Variants in SWT1 observed in about 807,000 individuals in gnomAD.
SWT1 encodes SWT1 RNA endoribonuclease homolog.
A neutral mutation model predicts 107.3 loss-of-function variants in SWT1; 33 were observed. The ratio of observed to expected loss-of-function variants is 0.31; its 90% CI spans 0.23 to 0.41. The LOEUF is 0.41. Among genes scored for constraint, SWT1 ranks in the 10% least tolerant of loss-of-function variants. The pLI, the probability that SWT1 is intolerant of heterozygous loss-of-function variation, is 1.00. For missense variants in SWT1, 898 were observed against 1,028.9 expected (o/e 0.87, Z 1.74); for synonymous variants, 345 against 348.3 (o/e 0.99, Z 0.11).
intron 13 of SWT1, among the ~76,000 whole-genome samples, chr1:185,214,128 C>G (rs1433259831): frequency 6.6e-6 from 1 of 152,116 alleles, no homozygotes; most frequent in East Asian, 1.9e-4. Flanking sequence ...TGTAGTCTCA[C>G]TCTTCTGATC....
intron 16 of SWT1, among the ~76,000 whole-genome samples, chr1:185,239,095 G>A (rs1661090553): frequency 6.6e-6 from 1 of 151,970 alleles, no homozygotes; most frequent in African/African-American, 2.4e-5. Flanking sequence ...TCGATAATCA[G>A]GTGATCTTTA....
At chr1:185,180,318 A>G in intron 5 of SWT1, 73 bp from the exon 6 acceptor site, 1 of 1,199,278 alleles carries the variant, frequency 8.3e-7, no homozygotes, top group Non-Finnish European at 1.2e-6. Flanking sequence ...CCTGAAGGTT[A>G]ATAGTGACAA....
chr1:185,217,114 T>C (rs940341040), intron 14 of SWT1, among the ~76,000 whole-genome samples: 6 of 152,220 alleles, frequency 3.9e-5, no homozygotes, highest in African/African-American at 1.2e-4. Context: ...CACTTGGCTT[T>C]AGTGTGATTA....
In SWT1 at chr1:185,160,769, A is replaced by C. The variant is rs558532071; in HGVS notation, c.-9-64A>C. The C allele has an allele frequency of 1.3e-5, 15 of 1,174,584 alleles. No individual in the cohort carries two copies. In the Admixed American group the frequency reaches 2.2e-4, roughly 17 times the overall value. The allele number at this position is 1,174,584 out of a possible 1,614,324, so 72.8% of individuals were successfully genotyped here. A position where few individuals can be genotyped will look rare whatever the true frequency, so the allele number is the denominator to read the frequency against. ...CTCCAATCTTTATATAACTGAAAGAAGACAAATTTCTATTTTCTTTTTGAG... is the reference window on the plus strand; with the variant it reads ...CTCCAATCTTTATATAACTGAAAGACGACAAATTTCTATTTTCTTTTTGAG... On this transcript the variant is annotated intron_variant, in intron 1 of 18. Transcript: ENST00000367500.
At chr1:185,239,414 T>C (rs982845205) in intron 16 of SWT1, among the ~76,000 whole-genome samples, 10 of 152,136 alleles carry the variant, frequency 6.6e-5, no homozygotes, top group African/African-American at 2.4e-4. Flanking sequence ...TAAACATGAT[T>C]GTGGTTAAGA....
intron 2 of SWT1, among the ~76,000 whole-genome samples, chr1:185,163,065 C>T (rs568479458): frequency 6.6e-6 from 1 of 152,120 alleles, no homozygotes; most frequent in South Asian, 2.1e-4. Context: ...AGGGACTTGC[C>T]GTGATGTTGA....
At chr1:185,219,824 A>G (rs563353182) in intron 14 of SWT1, among the ~76,000 whole-genome samples, 10 of 152,060 alleles carry the variant, frequency 6.6e-5, no homozygotes, top group African/African-American at 2.4e-4. Flanking sequence ...CCTTCCATCA[A>G]CTACCAAACT....
intron 18 of SWT1, among the ~76,000 whole-genome samples, chr1:185,290,237 A>G (rs568013816): frequency 1.4e-4 from 22 of 152,016 alleles, no homozygotes; most frequent in African/African-American, 5.3e-4. Flanking sequence ...TGATTGCACC[A>G]CTGTACTCCA....
intron 16 of SWT1, among the ~76,000 whole-genome samples, chr1:185,247,877 T>C (rs1294602975): frequency 2.0e-5 from 3 of 152,192 alleles, no homozygotes; most frequent in Non-Finnish European, 4.4e-5. Flanking sequence ...TTTTTTTCCT[T>C]CCTAAAAAGC....
At chr1:185,260,724 T>A (rs1662960517) in intron 16 of SWT1, among the ~76,000 whole-genome samples, 1 of 152,122 alleles carries the variant, frequency 6.6e-6, no homozygotes, top group Non-Finnish European at 1.5e-5. Flanking sequence ...TGTTTATGAA[T>A]ATGTGTATTA....
At chr1:185,245,576 A>G (rs1661549239) in intron 16 of SWT1, among the ~76,000 whole-genome samples, 1 of 152,188 alleles carries the variant, frequency 6.6e-6, no homozygotes, top group Admixed American at 6.5e-5. Flanking sequence ...GTTTATTATC[A>G]TTGTTAAGTA....
intron 16 of SWT1, among the ~76,000 whole-genome samples, chr1:185,256,592 A>G (rs975721292): frequency 7.0e-6 from 1 of 143,012 alleles, no homozygotes; most frequent in Non-Finnish European, 1.5e-5. Context: ...AGGCTTCTGC[A>G]TTCTTCACGT....
chr1:185,249,552 C>T (rs1003591650), intron 16 of SWT1, among the ~76,000 whole-genome samples: 2 of 152,062 alleles, frequency 1.3e-5, no homozygotes, highest in Non-Finnish European at 2.9e-5. Flanking sequence ...GGCAAGGCTC[C>T]CTGGGTATGG....
intron 13 of SWT1, among the ~76,000 whole-genome samples, chr1:185,214,078 G>A (rs149396708): frequency 6.6e-6 from 1 of 152,222 alleles, no homozygotes; most frequent in Non-Finnish European, 1.5e-5. Context: ...TAGCTGAGGT[G>A]ATGACGAGAG....
chr1:185,222,754 C>T (rs973541618), intron 15 of SWT1, among the ~76,000 whole-genome samples: 11 of 131,900 alleles, frequency 8.3e-5, no homozygotes, highest in African/African-American at 2.4e-4. Flanking sequence ...CAAAGCAAGA[C>T]GCCATCTCAA....
intron 14 of SWT1, among the ~76,000 whole-genome samples, chr1:185,221,559 T>G (rs183898775): frequency 1.4e-4 from 21 of 152,314 alleles, no homozygotes; most frequent in Admixed American, 5.2e-4. Context: ...TCTATCTCTT[T>G]CAGTACTGCA....
At chr1:185,203,570 G>A (rs1361773654) in intron 11 of SWT1, among the ~76,000 whole-genome samples, 4 of 150,984 alleles carry the variant, frequency 2.6e-5, no homozygotes, top group African/African-American at 4.9e-5. Flanking sequence ...GCAGTGAGCC[G>A]AGATTGTGCC....
intron 16 of SWT1, among the ~76,000 whole-genome samples, chr1:185,246,370 T>G (rs1440940309): frequency 2.0e-5 from 3 of 151,328 alleles, no homozygotes; most frequent in African/African-American, 7.3e-5. Flanking sequence ...CTCCACTTCC[T>G]GGCTCAGGTG....
chr1:185,170,622 C>T (rs935737666), intron 4 of SWT1, among the ~76,000 whole-genome samples: 1 of 152,198 alleles, frequency 6.6e-6, no homozygotes, highest in Non-Finnish European at 1.5e-5. Context: ...CTGCTGGAAA[C>T]CAAAGTGACA....
Sources: gnomAD v4.1 joint callset for allele counts (sites outside exome capture counted in the v4.1 genomes callset) on GRCh38, gnomAD v4.1.1 for gene constraint, MANE v1.5 for transcripts, NCBI Gene and HGNC (gene_info 2026-07-23, HGNC 2026-07-21) for gene names.